Variants in GRID2 observed in about 807,000 individuals in gnomAD.
GRID2 encodes glutamate receptor ionotropic, delta-2.
A neutral mutation model predicts 114.8 loss-of-function variants in GRID2; 33 were observed. The ratio of observed to expected loss-of-function variants is 0.29; its 90% CI spans 0.22 to 0.38. The LOEUF (loss-of-function observed/expected upper bound fraction) is 0.38. Ranked by LOEUF, GRID2 falls within the 10% of genes least tolerant of loss-of-function variation. The probability of loss-of-function intolerance (pLI) is 1.00; values close to 1 mark genes in which losing one functional copy is unlikely to be tolerated. For missense variants in GRID2, 1,184 were observed against 1,257.7 expected (o/e 0.94, Z 0.89); for synonymous variants, 505 against 449.9 (o/e 1.12, Z -1.55).
rs371360509 is a variant in GRID2 at position 92,505,517 on chromosome 4, G to A, written c.89-84614G>A. ...GTGATAAAATTTTGCACAGTCAATG[G>A]TCATGATGCCCACGGGTTAGTGTTG... On this transcript the variant is annotated intron_variant, in intron 1 of 15. Transcript: ENST00000282020. Among the ~76,000 whole-genome samples, 339 of 151,984 alleles carry A rather than the reference G, an allele frequency of 2.2e-3. 17 individuals carry two copies. The South Asian group carries it at 0.066, about 30-fold the overall frequency.
Position 93,418,307 on chromosome 4 carries a change from G to T in GRID2, c.1348-4464G>T, listed in dbSNP as rs189842518. Among the ~76,000 whole-genome samples the T allele has an allele frequency of 1.7e-3, 264 of 151,622 alleles. 3 individuals are homozygous for T. Among genetic ancestry groups the T allele is most frequent in the Non-Finnish European group, 2.8e-4 (19 of 67,784 alleles). On this transcript the variant is annotated intron_variant, in intron 9 of 15. Coordinates refer to ENST00000282020, the MANE Select transcript of GRID2 (RefSeq NM_001510.4). ...TCTTGTTTATTCTTCCTTCACCCTGGATATTAATTCTGACCTATTGCAATT... is the reference window on the plus strand; with the variant it reads ...TCTTGTTTATTCTTCCTTCACCCTGTATATTAATTCTGACCTATTGCAATT...
chr4:92,339,960 C>T (rs1727390607), intron 1 of GRID2, among the ~76,000 whole-genome samples: 1 of 152,058 alleles, frequency 6.6e-6, no homozygotes, highest in Non-Finnish European at 1.5e-5. Context: ...CATAACTGAG[C>T]TTAGCACGTG....
downstream of GRID2, among the ~76,000 whole-genome samples, chr4:93,777,304 A>G (rs748728775): frequency 7.2e-5 from 11 of 152,254 alleles, no homozygotes; most frequent in African/African-American, 1.2e-4. Flanking sequence ...CTATGTCGTC[A>G]ATAGTATTCA....
At position 93,784,289 on chromosome 4, in the gene GRID2, C is replaced by A. The variant is rs1316846981; in HGVS notation, c.221+14839C>A. 9.9e-5 allele frequency among the ~76,000 whole-genome samples: 15 copies of A among 151,984 alleles called. 1 individual carries two copies. The highest frequency in any genetic ancestry group is 9.8e-4 in the Admixed American group (15 of 15,258). ...CTTACTAGATGATCTTATTAAATTA[C>A]TTGTCAGGTCATGCTGCTCCATGAT... On this transcript the variant is annotated intron_variant, in intron 1 of 1. Transcript: ENST00000637838.
chr4:93,474,829 C>G (rs1171247015), intron 11 of GRID2, among the ~76,000 whole-genome samples: 1 of 152,064 alleles, frequency 6.6e-6, no homozygotes, highest in Non-Finnish European at 1.5e-5. Context: ...TCTAGTCATA[C>G]CATAAGCCTG....
chr4:93,592,481 G>C (rs1009054030), intron 13 of GRID2, among the ~76,000 whole-genome samples: 1 of 152,128 alleles, frequency 6.6e-6, no homozygotes, highest in Non-Finnish European at 1.5e-5. Flanking sequence ...TTCCAAGTAT[G>C]TGGTCAATTT....
intron 13 of GRID2, among the ~76,000 whole-genome samples, chr4:93,578,541 A>G (rs938745228): frequency 1.3e-5 from 2 of 151,354 alleles, no homozygotes; most frequent in Non-Finnish European, 2.9e-5. Context: ...AAGCTGATAT[A>G]TAGGTATCAC....
chr4:92,399,532 T>A (rs536504109), intron 1 of GRID2, among the ~76,000 whole-genome samples: 1 of 152,294 alleles, frequency 6.6e-6, no homozygotes. Context: ...CAAATATTAT[T>A]TTTGTGATCT....
In GRID2 at chr4:92,340,258, T is replaced by C. The variant is rs535379777; in HGVS notation, c.88+35514T>C. 2.6e-5 allele frequency among the ~76,000 whole-genome samples: 4 copies of C among 152,270 alleles called. No homozygotes were observed. The South Asian group carries it at 8.3e-4, about 32-fold the overall frequency. On this transcript the variant is annotated intron_variant, in intron 1 of 15. Transcript: ENST00000282020. Reference sequence around the variant, plus strand: ...TATACTTGTACAATCACAATCACCGTTCATGTAAATCAAATTTCTGAAACC... The same window carrying C: ...TATACTTGTACAATCACAATCACCGCTCATGTAAATCAAATTTCTGAAACC...
In GRID2 at chr4:93,442,015, A is replaced by G. The variant is rs1450373116; in HGVS notation, c.1546-13647A>G. Reference sequence around the variant, plus strand: ...TCATTTGATACTGCACAGAATCACTAGGAGAACAGCCAGAATTGATTTACT... The same window carrying G: ...TCATTTGATACTGCACAGAATCACTGGGAGAACAGCCAGAATTGATTTACT... On this transcript the variant is annotated intron_variant, in intron 10 of 15. Coordinates refer to ENST00000282020, the MANE Select transcript of GRID2 (RefSeq NM_001510.4). Among the ~76,000 whole-genome samples the G allele has an allele frequency of 1.5e-4, 23 of 151,990 alleles. 1 individual carries two copies. Among genetic ancestry groups the G allele is most frequent in the Admixed American group, 1.5e-3 (23 of 15,228 alleles).
intron 4 of GRID2, among the ~76,000 whole-genome samples, chr4:93,157,722 G>A (rs1394969503): frequency 6.6e-6 from 1 of 151,640 alleles, no homozygotes; most frequent in Non-Finnish European, 1.5e-5. Context: ...ATTTTTAGAT[G>A]CAAATACTCT....
intron 2 of GRID2, among the ~76,000 whole-genome samples, chr4:92,653,620 A>G (rs1732083166): frequency 6.6e-6 from 1 of 152,076 alleles, no homozygotes; most frequent in Non-Finnish European, 1.5e-5. Flanking sequence ...AAACTAAAAA[A>G]TGAATTTAAA....
At chr4:92,324,786 C>T (rs1010286139) in intron 1 of GRID2, among the ~76,000 whole-genome samples, 2 of 151,820 alleles carry the variant, frequency 1.3e-5, no homozygotes, top group African/African-American at 4.8e-5. Context: ...GTCACCAGGA[C>T]TGGTTTGTTG....
At chr4:92,380,555 T>C (rs767496157) in intron 1 of GRID2, among the ~76,000 whole-genome samples, 10 of 152,044 alleles carry the variant, frequency 6.6e-5, no homozygotes, top group Non-Finnish European at 1.3e-4. Flanking sequence ...TATATTTTGT[T>C]GACTTATGTT....
At position 92,574,411 on chromosome 4, in the gene GRID2, GTA is replaced by G. The variant is rs1172458329; in HGVS notation, c.89-15718_89-15717del. Reference sequence around the variant, plus strand: ...TATAGTGTTACTGGTCTGTACTTTAGTATTTTTTTTTTTTTTTTTTTGTGGCT... The same window carrying G: ...TATAGTGTTACTGGTCTGTACTTTAGTTTTTTTTTTTTTTTTTTTGTGGCT... On this transcript the variant is annotated intron_variant, in intron 1 of 15. Coordinates refer to ENST00000282020, the MANE Select transcript of GRID2 (RefSeq NM_001510.4). 2.2e-3 allele frequency among the ~76,000 whole-genome samples: 275 copies of G among 122,928 alleles called. 3 individuals carry two copies. Among genetic ancestry groups the G allele is most frequent in the African/African-American group, 6.4e-3 (205 of 32,048 alleles). The allele number at this position is 122,928 out of a possible 152,430, so 80.6% of individuals were successfully genotyped here. A position where few individuals can be genotyped will look rare whatever the true frequency, so the allele number is the denominator to read the frequency against.
chr4:93,091,231 C>G (rs1034606593), intron 3 of GRID2, among the ~76,000 whole-genome samples: 1 of 151,992 alleles, frequency 6.6e-6, no homozygotes, highest in African/African-American at 2.4e-5. Context: ...TATTACCACC[C>G]GATGTAATGA....
At chr4:93,300,558 T>C (rs924949604) in intron 8 of GRID2, among the ~76,000 whole-genome samples, 4 of 152,100 alleles carry the variant, frequency 2.6e-5, no homozygotes, top group Admixed American at 2.6e-4. Context: ...AATATCAACA[T>C]AGTGAAGGCA....
At chr4:92,350,389 T>G (rs1324015061) in intron 1 of GRID2, among the ~76,000 whole-genome samples, 1 of 151,858 alleles carries the variant, frequency 6.6e-6, no homozygotes, top group Admixed American at 6.6e-5. Flanking sequence ...AGATAGATAG[T>G]GTGCTCTTCA....
chr4:92,833,058 G>A (rs951200905), intron 2 of GRID2, among the ~76,000 whole-genome samples: 16 of 152,166 alleles, frequency 1.1e-4, no homozygotes, highest in Admixed American at 7.9e-4. Context: ...GTTTCTTAAA[G>A]TATATGCTAG....
Sources: allele counts gnomAD v4.1 joint callset (sites outside exome capture counted in the v4.1 genomes callset), GRCh38; gene constraint gnomAD v4.1.1; transcripts MANE v1.5; gene names NCBI Gene and HGNC (gene_info 2026-07-23, HGNC 2026-07-21).